Variants in UBL3 observed in about 807,000 individuals in gnomAD.
UBL3 encodes ubiquitin like 3, also known as ubiquitin-like protein 3.
In UBL3, 6 loss-of-function variants were observed where a neutral mutation model predicts 18.4. That is an observed-to-expected ratio of 0.33 (90% CI 0.18 to 0.64). The LOEUF is 0.64. Among genes scored for constraint, UBL3 ranks in the 30% least tolerant of loss-of-function variants. The pLI, the probability that UBL3 is intolerant of heterozygous loss-of-function variation, is 0.76. For synonymous variants in UBL3, 49 were observed against 46.6 expected (o/e 1.05, Z -0.21); for missense variants, 109 against 142.9 (o/e 0.76, Z 1.21).
At chr13:29,814,231 T>A (rs1307601466) in intron 1 of UBL3, among the ~76,000 whole-genome samples, 3 of 152,182 alleles carry the variant, frequency 2.0e-5, no homozygotes, top group Admixed American at 2.0e-4. Flanking sequence ...ACTTCAAATA[T>A]CAAAAATCAT....
chr13:29,802,406 T>C (rs1314334073), intron 1 of UBL3, among the ~76,000 whole-genome samples: 1 of 152,170 alleles, frequency 6.6e-6, no homozygotes, highest in Non-Finnish European at 1.5e-5. Flanking sequence ...CAACCCAAAA[T>C]GCCAGCCTGT....
chr13:29,847,993 C>G (rs1052556642), intron 1 of UBL3, among the ~76,000 whole-genome samples: 3 of 152,078 alleles, frequency 2.0e-5, no homozygotes, highest in Admixed American at 1.3e-4. Context: ...CCCCCAGAGA[C>G]AGAACACTGT....
chr13:29,796,869 G>C (rs779467492), intron 1 of UBL3, among the ~76,000 whole-genome samples: 1 of 152,022 alleles, frequency 6.6e-6, no homozygotes, highest in Non-Finnish European at 1.5e-5. Flanking sequence ...CTTTCACTAG[G>C]TACTGTTTAA....
At chr13:29,825,422 C>T (rs1177632854) in intron 1 of UBL3, among the ~76,000 whole-genome samples, 1 of 152,120 alleles carries the variant, frequency 6.6e-6, no homozygotes, top group Non-Finnish European at 1.5e-5. Flanking sequence ...CTTCACATCC[C>T]TTGTAAGTTG....
chr13:29,814,819 T>C (rs917024749), intron 1 of UBL3, among the ~76,000 whole-genome samples: 18 of 152,188 alleles, frequency 1.2e-4, no homozygotes, highest in African/African-American at 4.1e-4. Flanking sequence ...AATTTTATTG[T>C]GTAATTTTAA....
chr13:29,814,281 C>T (rs1156687196), intron 1 of UBL3, among the ~76,000 whole-genome samples: 2 of 151,940 alleles, frequency 1.3e-5, no homozygotes, highest in East Asian at 3.9e-4. Context: ...CTCATCAGTC[C>T]TTAACTAAAA....
In UBL3 at chr13:29,849,946, A is replaced by C; in HGVS notation, c.-408T>G. On this transcript the variant is annotated 5_prime_UTR_variant, in exon 1 of 5. Coordinates refer to ENST00000380680, the MANE Select transcript of UBL3 (RefSeq NM_007106.4). ...ATGATTCACACTTGCTCCCGAGTCA[A>C]GTCCTCATTAAGCAGGAGAAAAATG... The C allele has an allele frequency of 3.2e-6, 1 of 317,378 alleles. No individual in the cohort carries two copies. The highest frequency in any genetic ancestry group is 2.9e-5 in the South Asian group (1 of 34,134). 19.7% of individuals were successfully genotyped at this position (317,378 alleles called of 1,614,324 possible). A position where few individuals can be genotyped will look rare whatever the true frequency, so the allele number is the denominator to read the frequency against.
At chr13:29,784,854 CAA>C (rs397782606) in intron 1 of UBL3, among the ~76,000 whole-genome samples, 17 of 151,914 alleles carry the variant, frequency 1.1e-4, no homozygotes, top group African/African-American at 3.9e-4. Context: ...CACACACACA[CAA>C]ATAAATGCAT....
At chr13:29,806,577 G>C (rs1315691064) in intron 1 of UBL3, among the ~76,000 whole-genome samples, 1 of 152,120 alleles carries the variant, frequency 6.6e-6, no homozygotes, top group Non-Finnish European at 1.5e-5. Context: ...AGTATGGTGG[G>C]TGCAGTGCTG....
intron 1 of UBL3, among the ~76,000 whole-genome samples, chr13:29,847,678 T>A (rs948149531): frequency 6.6e-6 from 1 of 152,230 alleles, no homozygotes; most frequent in African/African-American, 2.4e-5. Context: ...TAGACGGTAC[T>A]TAAGGTTAAC....
intron 1 of UBL3, among the ~76,000 whole-genome samples, chr13:29,816,268 T>C (rs1236581974): frequency 1.3e-5 from 2 of 152,124 alleles, no homozygotes; most frequent in African/African-American, 4.8e-5. Context: ...ATTAAAGCAA[T>C]ATGGTATTGA....
At chr13:29,839,830 G>C (rs1879052486) in intron 1 of UBL3, among the ~76,000 whole-genome samples, 2 of 151,808 alleles carry the variant, frequency 1.3e-5, no homozygotes, top group Non-Finnish European at 2.9e-5. Context: ...GGGAGGCTGA[G>C]GCAGGAGAAT....
intron 1 of UBL3, among the ~76,000 whole-genome samples, chr13:29,788,371 C>A (rs1316542332): frequency 1.3e-5 from 2 of 152,118 alleles, no homozygotes; most frequent in Non-Finnish European, 2.9e-5. Flanking sequence ...CTCAATCATT[C>A]AACACAGAAC....
chr13:29,835,139 T>TAA (rs1878915462), intron 1 of UBL3, among the ~76,000 whole-genome samples: 4 of 9,380 alleles, frequency 4.3e-4, no homozygotes, highest in Admixed American at 2.5e-3. Context: ...TATATATATA[T>TAA]ATATATATAT....
At chr13:29,831,561 C>A (rs1878771329) in intron 1 of UBL3, among the ~76,000 whole-genome samples, 1 of 147,912 alleles carries the variant, frequency 6.8e-6, no homozygotes, top group Non-Finnish European at 1.5e-5. Context: ...GTACTCCAGC[C>A]TGGGCAACAA....
chr13:29,822,391 C>T (rs1878481817), intron 1 of UBL3, among the ~76,000 whole-genome samples: 1 of 152,122 alleles, frequency 6.6e-6, no homozygotes, highest in Admixed American at 6.6e-5. Flanking sequence ...TTTGTGAGAT[C>T]TCAAAGATTT....
Position 29,820,112 on chromosome 13 carries a change from C to T in UBL3, c.27+29400G>A, listed in dbSNP as rs557035319. Among the ~76,000 whole-genome samples, 77 of 148,576 alleles carry T rather than the reference C, an allele frequency of 5.2e-4. No homozygotes were observed. The Middle Eastern group carries it at 0.011, about 21-fold the overall frequency. On this transcript the variant is annotated intron_variant, in intron 1 of 4. Transcript: ENST00000380680. Reference sequence around the variant, plus strand: ...AGTCCTAATAGTAGTATGCGAGTGACCCTGAAAAGAAAGATGTATCAGAAA... The same window carrying T: ...AGTCCTAATAGTAGTATGCGAGTGATCCTGAAAAGAAAGATGTATCAGAAA...
chr13:29,816,754 CAAAAAAAA>C (rs57272367), intron 1 of UBL3, among the ~76,000 whole-genome samples: 5 of 42,622 alleles, frequency 1.2e-4, no homozygotes, highest in African/African-American at 2.7e-4. Context: ...GACCCTGTCT[CAAAAAAAA>C]AAAAAAAAAA....
chr13:29,847,869 TAACC>T (rs928495924), intron 1 of UBL3, among the ~76,000 whole-genome samples: 23 of 152,134 alleles, frequency 1.5e-4, no homozygotes, highest in African/African-American at 4.6e-4. Context: ...CAGCCGTACT[TAACC>T]AGGCAGGAGG....
Sources: gnomAD v4.1 joint callset for allele counts (sites outside exome capture counted in the v4.1 genomes callset) on GRCh38, gnomAD v4.1.1 for gene constraint, MANE v1.5 for transcripts, NCBI Gene and HGNC (gene_info 2026-07-23, HGNC 2026-07-21) for gene names.